Variants in ATP8A2 observed in about 807,000 individuals in gnomAD.
ATP8A2 encodes ATPase phospholipid transporting 8A2, also known as phospholipid-transporting ATPase IB.
ATP8A2 carries 100 observed loss-of-function variants against 165.6 expected under a neutral mutation model. The ratio of observed to expected loss-of-function variants is 0.60; its 90% CI spans 0.51 to 0.71. The LOEUF (loss-of-function observed/expected upper bound fraction) is 0.71, where lower values mean the gene tolerates loss of function less well. ATP8A2 is among the 30% of genes least tolerant of loss of function. The pLI is 0.00. For synonymous variants in ATP8A2, 543 were observed against 548.8 expected (o/e 0.99, Z 0.15); for missense variants, 1,227 against 1,479.5 (o/e 0.83, Z 2.80).
At chr13:25,549,855 C>T (rs780688650) in intron 10 of ATP8A2, among the ~76,000 whole-genome samples, 2 of 152,118 alleles carry the variant, frequency 1.3e-5, no homozygotes, top group African/African-American at 4.8e-5. Flanking sequence ...TCTCTGTCTC[C>T]ACCTCTCCCT....
chr13:25,896,131 T>C (rs1028115272), intron 33 of ATP8A2, among the ~76,000 whole-genome samples: 29 of 152,226 alleles, frequency 1.9e-4, no homozygotes, highest in Non-Finnish European at 3.7e-4. Context: ...TGTTAGGGTG[T>C]CAATTTTAGA....
chr13:25,866,983 A>G (rs1392261652), intron 33 of ATP8A2, among the ~76,000 whole-genome samples: 1 of 152,148 alleles, frequency 6.6e-6, no homozygotes, highest in African/African-American at 2.4e-5. Flanking sequence ...AACCATGGAA[A>G]AATTCTCCTC....
Position 25,846,839 on chromosome 13 carries a change from A to G in ATP8A2, c.2956+7215A>G, listed in dbSNP as rs537412338. 2.0e-5 allele frequency among the ~76,000 whole-genome samples: 3 copies of G among 152,304 alleles called. No individual in the cohort carries two copies. In the East Asian group the frequency reaches 5.8e-4, roughly 29 times the overall value. ...AGGACTCAGTATTGCATTAATTAAT[A>G]ATCCCCTTCTCCACCTGGTTGCACA... is the stretch of plus-strand genomic sequence containing the variant. On this transcript the variant is annotated intron_variant, in intron 30 of 36. Coordinates refer to ENST00000381655, the MANE Select transcript of ATP8A2 (RefSeq NM_016529.6).
intron 24 of ATP8A2, among the ~76,000 whole-genome samples, chr13:25,617,451 A>T (rs1232310418): frequency 6.6e-6 from 1 of 152,216 alleles, no homozygotes; most frequent in African/African-American, 2.4e-5. Flanking sequence ...TATCATCAGT[A>T]TTCATTATTT....
intron 27 of ATP8A2, among the ~76,000 whole-genome samples, chr13:25,784,103 A>G (rs777495462): frequency 6.6e-6 from 1 of 152,088 alleles, no homozygotes; most frequent in Non-Finnish European, 1.5e-5. Flanking sequence ...TGCTTTTTTT[A>G]TGATGTTTTT....
intron 33 of ATP8A2, among the ~76,000 whole-genome samples, chr13:25,914,512 T>C (rs563968382): frequency 6.6e-6 from 1 of 152,336 alleles, no homozygotes; most frequent in South Asian, 2.1e-4. Context: ...AAGGTTTTTT[T>C]ATGCTCTTAC....
chr13:25,853,661 T>C (rs1041336190), intron 30 of ATP8A2, among the ~76,000 whole-genome samples: 1 of 152,160 alleles, frequency 6.6e-6, no homozygotes, highest in African/African-American at 2.4e-5. Flanking sequence ...CAGAGTTTTC[T>C]CTAGGGCCCC....
intron 24 of ATP8A2, among the ~76,000 whole-genome samples, chr13:25,641,200 A>G (rs2041511035): frequency 6.6e-6 from 1 of 152,238 alleles, no homozygotes; most frequent in Admixed American, 6.5e-5. Flanking sequence ...GGCACAAGAC[A>G]GGGATGCCCT....
In ATP8A2 at chr13:25,689,877, A is replaced by T. The variant is rs2042685838; in HGVS notation, c.2212-9296A>T. ...GAAATAATTTTCTTTTAGGAAAAAAAAACATCTATTTTGAGGAGAATTCCA... is the reference window on the plus strand; with the variant it reads ...GAAATAATTTTCTTTTAGGAAAAAATAACATCTATTTTGAGGAGAATTCCA... On this transcript the variant is annotated intron_variant, in intron 24 of 36. Transcript: ENST00000381655. Among the ~76,000 whole-genome samples the T allele has an allele frequency of 2.6e-5, 4 of 152,334 alleles. No individual in the cohort carries two copies. In the South Asian group the frequency reaches 8.3e-4, roughly 32 times the overall value.
intron 33 of ATP8A2, among the ~76,000 whole-genome samples, chr13:25,943,237 TG>T (rs1186134366): frequency 1.3e-5 from 2 of 152,168 alleles, no homozygotes; most frequent in African/African-American, 2.4e-5. Flanking sequence ...TTGAAATCCC[TG>T]GAGAACTGCT....
chr13:25,527,736 T>C (rs540654553), intron 2 of ATP8A2, among the ~76,000 whole-genome samples: 96 of 152,280 alleles, frequency 6.3e-4, no homozygotes, highest in Admixed American at 2.2e-3. Flanking sequence ...AAGATTCCTT[T>C]CCTCCTCAAC....
rs909126986 is a variant in ATP8A2 at position 25,623,780 on chromosome 13, T to C, written c.2211+34081T>C. Among the ~76,000 whole-genome samples, 17 of 152,240 alleles carry C rather than the reference T, an allele frequency of 1.1e-4. 1 individual carries two copies. In the South Asian group the frequency reaches 3.3e-3, roughly 30 times the overall value. ...GTGTGTATACGTGTATATATACACATGCATATAGAGATATATATGCATATC... is the reference window on the plus strand; with the variant it reads ...GTGTGTATACGTGTATATATACACACGCATATAGAGATATATATGCATATC... On this transcript the variant is annotated intron_variant, in intron 24 of 36. Coordinates refer to ENST00000381655, the MANE Select transcript of ATP8A2 (RefSeq NM_016529.6).
At chr13:25,905,313 A>G (rs2138968575) in intron 33 of ATP8A2, among the ~76,000 whole-genome samples, 1 of 152,110 alleles carries the variant, frequency 6.6e-6, no homozygotes. Flanking sequence ...TAAAACGATA[A>G]GTTTTTCTCT....
At chr13:25,580,061 C>A in intron 22 of ATP8A2, 114 bp downstream of exon 22, 1 of 1,202,278 alleles carries the variant, frequency 8.3e-7, no homozygotes, top group African/African-American at 1.5e-5. Context: ...TTTCTTGTGT[C>A]TTAATGAACC....
chr13:25,990,853 G>A (rs949238978), intron 35 of ATP8A2, among the ~76,000 whole-genome samples: 8 of 152,232 alleles, frequency 5.3e-5, no homozygotes, highest in South Asian at 2.1e-4. Flanking sequence ...TTTTCAACCC[G>A]TGGCACGGCA....
intron 30 of ATP8A2, among the ~76,000 whole-genome samples, chr13:25,858,227 C>A (rs1180790132): frequency 6.6e-6 from 1 of 152,192 alleles, no homozygotes; most frequent in African/African-American, 2.4e-5. Flanking sequence ...TTTTGAGTAA[C>A]TATTTGCTAA....
chr13:25,994,505 G>A (rs900094880), intron 35 of ATP8A2, among the ~76,000 whole-genome samples: 7 of 152,126 alleles, frequency 4.6e-5, no homozygotes, highest in Admixed American at 2.6e-4. Context: ...GGTGCTAGCT[G>A]CAGGTGTTTT....
intron 1 of ATP8A2, among the ~76,000 whole-genome samples, chr13:25,431,368 C>T (rs560465764): frequency 3.7e-4 from 56 of 152,222 alleles, no homozygotes; most frequent in African/African-American, 1.3e-3. Context: ...AGGCTGGTCT[C>T]GAACTCCCGA....
chr13:25,829,632 A>G (rs1013151672), intron 28 of ATP8A2, among the ~76,000 whole-genome samples: 107 of 134,518 alleles, frequency 8.0e-4, no homozygotes, highest in African/African-American at 2.9e-3. Context: ...GCTGAGACCT[A>G]GGAGAGATTT....
Sources: allele counts gnomAD v4.1 joint callset (sites outside exome capture counted in the v4.1 genomes callset), GRCh38; gene constraint gnomAD v4.1.1; transcripts MANE v1.5; gene names NCBI Gene and HGNC (gene_info 2026-07-23, HGNC 2026-07-21).